Variants in FAM180A observed in about 807,000 individuals in gnomAD.
The protein encoded by FAM180A is protein FAM180A.
A neutral mutation model predicts 15.3 loss-of-function variants in FAM180A; 14 were observed. The ratio of observed to expected loss-of-function variants is 0.92; its 90% CI spans 0.61 to 1.43. The LOEUF (loss-of-function observed/expected upper bound fraction) is 1.43. Among genes scored for constraint, FAM180A ranks in the 40% most tolerant of loss-of-function variants. The pLI is 0.00. For synonymous variants in FAM180A, 90 were observed against 96.8 expected, an observed-to-expected ratio of 0.93 and a Z score of 0.41; for missense variants, 200 against 220.8, an observed-to-expected ratio of 0.91 and a Z score of 0.60.
chr7:135,729,694 CT>C lies in FAM180A; in HGVS notation c.*916del, dbSNP rs1796752995. 2 of 983,712 alleles carry C rather than the reference CT, an allele frequency of 2.0e-6. No individual in the cohort carries two copies. The highest frequency in any genetic ancestry group is 2.4e-6 in the Non-Finnish European group (2 of 828,538). 60.9% of individuals were successfully genotyped at this position (983,712 alleles called of 1,614,324 possible). A position where few individuals can be genotyped will look rare whatever the true frequency, so the allele number is the denominator to read the frequency against. ...GTGTACAATAAGACCAGTAGTTCTC[CT>C]TCAGAACTCTACCCATTTTTCAGAG... On this transcript the variant is annotated 3_prime_UTR_variant, in exon 4 of 4. Transcript: ENST00000338588.
At chr7:135,739,289 C>A (rs527941102) in intron 1 of FAM180A, among the ~76,000 whole-genome samples, 2 of 111,776 alleles carry the variant, frequency 1.8e-5, no homozygotes, top group Admixed American at 1.2e-4. Context: ...TCCAGCCTGG[C>A]GACAGAGTGA....
chr7:135,735,667 C>A (rs1796859505), intron 2 of FAM180A, among the ~76,000 whole-genome samples: 1 of 152,190 alleles, frequency 6.6e-6, no homozygotes, highest in South Asian at 2.1e-4. Flanking sequence ...ATCTCTCCCC[C>A]TGGCTTAACT....
intron 1 of FAM180A, among the ~76,000 whole-genome samples, chr7:135,747,268 A>G (rs1797043908): frequency 6.6e-6 from 1 of 152,112 alleles, no homozygotes; most frequent in African/African-American, 2.4e-5. Context: ...ATGTATACCT[A>G]CTATGTGCCC....
chr7:135,739,911 C>A (rs1049656401), intron 1 of FAM180A, among the ~76,000 whole-genome samples: 2 of 152,148 alleles, frequency 1.3e-5, no homozygotes, highest in Admixed American at 1.3e-4. Context: ...CCGGGGTGTG[C>A]GCTGGGCATA....
At chr7:135,743,024 T>A (rs1796974020) in intron 1 of FAM180A, among the ~76,000 whole-genome samples, 1 of 152,226 alleles carries the variant, frequency 6.6e-6, no homozygotes, top group Non-Finnish European at 1.5e-5. Flanking sequence ...TCTGAATAAC[T>A]ACAGAAAGGA....
At chr7:135,733,040 G>A (rs188973028) in intron 3 of FAM180A, among the ~76,000 whole-genome samples, 126 of 152,260 alleles carry the variant, frequency 8.3e-4, no homozygotes, top group African/African-American at 2.6e-3. Flanking sequence ...TGGGCTGTGG[G>A]CCCCTTCCTG....
intron 2 of FAM180A, among the ~76,000 whole-genome samples, chr7:135,735,004 C>T (rs1468249630): frequency 4.6e-5 from 7 of 152,062 alleles, no homozygotes; most frequent in East Asian, 1.9e-4. Context: ...TGGGTTCAAG[C>T]GATTCTCCTG....
intron 1 of FAM180A, among the ~76,000 whole-genome samples, chr7:135,741,768 G>A (rs1458132096): frequency 1.3e-5 from 2 of 151,552 alleles, no homozygotes; most frequent in Non-Finnish European, 2.9e-5. Context: ...AGGCTGTAGT[G>A]AGCTGTGATC....
chr7:135,734,805 G>C (rs756780838), intron 2 of FAM180A, among the ~76,000 whole-genome samples: 1 of 152,218 alleles, frequency 6.6e-6, no homozygotes, highest in Admixed American at 6.5e-5. Context: ...GGATTGGGCT[G>C]TGGGCCCCTT....
At chr7:135,746,195 TC>T (rs1162878602) in intron 1 of FAM180A, among the ~76,000 whole-genome samples, 4 of 152,010 alleles carry the variant, frequency 2.6e-5, no homozygotes, top group Non-Finnish European at 5.9e-5. Context: ...GGAAAGACCT[TC>T]CCCAATGCGG....
intron 1 of FAM180A, among the ~76,000 whole-genome samples, chr7:135,744,888 A>T (rs769005359): frequency 6.6e-5 from 10 of 152,078 alleles, no homozygotes; most frequent in Non-Finnish European, 1.5e-4. Context: ...TTGGGCAGTG[A>T]ATACTTAAAA....
At chr7:135,736,786 TG>T (rs781652439) in intron 2 of FAM180A, among the ~76,000 whole-genome samples, 33 of 152,304 alleles carry the variant, frequency 2.2e-4, no homozygotes, top group African/African-American at 6.5e-4. Context: ...GGCCTTTGCT[TG>T]GGAATATTGC....
chr7:135,745,479 GTGTGTGTGTTTC>G lies in FAM180A; in HGVS notation c.76+3014_76+3025del, dbSNP rs1185876729. Reference sequence around the variant, plus strand: ...TGGGACGTGGGCCACCTGTGTGTGTGTGTGTGTGTTTCTGTGTGTGTGTATGTGTGTGTGTGT... The same window carrying G: ...TGGGACGTGGGCCACCTGTGTGTGTGTGTGTGTGTGTATGTGTGTGTGTGT... On this transcript the variant is annotated intron_variant, in intron 1 of 3. Coordinates refer to ENST00000338588, the MANE Select transcript of FAM180A (RefSeq NM_205855.4). 1.2e-4 allele frequency among the ~76,000 whole-genome samples: 19 copies of G among 152,080 alleles called. No individual in the cohort carries two copies. The East Asian group carries it at 1.7e-3, about 14-fold the overall frequency.
intron 1 of FAM180A, among the ~76,000 whole-genome samples, chr7:135,743,191 C>T (rs188658052): frequency 8.9e-4 from 134 of 149,810 alleles, no homozygotes; most frequent in African/African-American, 2.9e-3. Context: ...TCTCCTGCAT[C>T]GATTCTCCTT....
chr7:135,731,614 AC>A (rs973133725), intron 3 of FAM180A, among the ~76,000 whole-genome samples: 2 of 152,192 alleles, frequency 1.3e-5, no homozygotes, highest in African/African-American at 4.8e-5. Context: ...GAAAGATTGA[AC>A]AAAAAAAGCA....
At position 135,739,244 on chromosome 7, in the gene FAM180A, A is replaced by T. The variant is rs139304505; in HGVS notation, c.77-2045T>A. 2.1e-4 allele frequency among the ~76,000 whole-genome samples: 31 copies of T among 144,230 alleles called. No individual in the cohort carries two copies. In the East Asian group the frequency reaches 5.7e-3, roughly 27 times the overall value. The allele number at this position is 144,230 out of a possible 152,430, so 94.6% of individuals were successfully genotyped here. A position where few individuals can be genotyped will look rare whatever the true frequency, so the allele number is the denominator to read the frequency against. Reference sequence around the variant, plus strand: ...AGAATTGCTTGAACCCGGGAGGTGGAGCTTGCAGTGAACCGAGATCGTGCC... The same window carrying T: ...AGAATTGCTTGAACCCGGGAGGTGGTGCTTGCAGTGAACCGAGATCGTGCC... On this transcript the variant is annotated intron_variant, in intron 1 of 3. Coordinates refer to ENST00000338588, the MANE Select transcript of FAM180A (RefSeq NM_205855.4).
intron 1 of FAM180A, among the ~76,000 whole-genome samples, chr7:135,739,940 C>T (rs1414337706): frequency 6.6e-6 from 1 of 152,192 alleles, no homozygotes; most frequent in African/African-American, 2.4e-5. Flanking sequence ...TGACCAAATC[C>T]CTGCACTAAT....
intron 1 of FAM180A, among the ~76,000 whole-genome samples, chr7:135,742,602 T>C (rs962974893): frequency 6.6e-6 from 1 of 152,172 alleles, no homozygotes; most frequent in African/African-American, 2.4e-5. Context: ...AACAAGTGAC[T>C]CACTTGCTAA....
At chr7:135,748,050 C>T (rs561896709) in intron 1 of FAM180A, among the ~76,000 whole-genome samples, 3 of 152,290 alleles carry the variant, frequency 2.0e-5, no homozygotes, top group South Asian at 2.1e-4. Context: ...CATCCCCTCC[C>T]GGTGAGGAGG....
Sources: allele counts gnomAD v4.1 joint callset (sites outside exome capture counted in the v4.1 genomes callset), GRCh38; gene constraint gnomAD v4.1.1; transcripts MANE v1.5; gene names NCBI Gene and HGNC (gene_info 2026-07-23, HGNC 2026-07-21).